TFDP2: variants seen among roughly 807,000 people sequenced by gnomAD.
TFDP2 encodes transcription factor Dp-2, also known as transcription factor Dp-2 (E2F dimerization partner 2).
In TFDP2, 17 loss-of-function variants were observed where a neutral mutation model predicts 59.3. That is an observed-to-expected ratio of 0.29 (90% CI 0.20 to 0.43). The LOEUF is 0.43. TFDP2 is among the 20% of genes least tolerant of loss of function. The pLI is 1.00. For synonymous variants in TFDP2, 180 were observed against 194.7 expected (o/e 0.92, Z 0.63); for missense variants, 391 against 528.8 (o/e 0.74, Z 2.56).
chr3:141,975,462 G>A (rs971954658), intron 7 of TFDP2, among the ~76,000 whole-genome samples: 19 of 152,070 alleles, frequency 1.2e-4, no homozygotes, highest in African/African-American at 4.3e-4. Context: ...AGAGGCCAAG[G>A]TGGGCGGATC....
chr3:142,103,225 G>A (rs1171108440), intron 1 of TFDP2, among the ~76,000 whole-genome samples: 3 of 151,404 alleles, frequency 2.0e-5, no homozygotes, highest in Admixed American at 6.6e-5. Context: ...GAAACAGAAA[G>A]AGACTCCTTC....
At chr3:142,008,533 C>T (rs185569989) in intron 3 of TFDP2, among the ~76,000 whole-genome samples, 365 of 152,208 alleles carry the variant, frequency 2.4e-3, no homozygotes, top group Non-Finnish European at 4.1e-3. Flanking sequence ...CCCAATTCAA[C>T]CACCTGGCTT....
intron 11 of TFDP2, among the ~76,000 whole-genome samples, chr3:141,955,838 C>T (rs1310676075): frequency 1.3e-5 from 2 of 152,164 alleles, no homozygotes; most frequent in African/African-American, 4.8e-5. Flanking sequence ...GACAGAGTCT[C>T]GCTCTGTTGC....
chr3:142,008,730 GTATA>G (rs141309554), intron 3 of TFDP2, among the ~76,000 whole-genome samples: 1 of 151,194 alleles, frequency 6.6e-6, no homozygotes, highest in Non-Finnish European at 1.5e-5. Context: ...CATATAAAGT[GTATA>G]TATATATACA....
chr3:142,141,679 C>T (rs1291250630), intron 1 of TFDP2, among the ~76,000 whole-genome samples: 5 of 151,870 alleles, frequency 3.3e-5, no homozygotes. Flanking sequence ...AAATATTAGC[C>T]AGGCATGGTG....
At chr3:142,088,553 G>A (rs541975367) in intron 3 of TFDP2, among the ~76,000 whole-genome samples, 3 of 150,454 alleles carry the variant, frequency 2.0e-5, no homozygotes, top group South Asian at 2.1e-4. Flanking sequence ...CTGGGGGCTC[G>A]AACTTCCCAA....
chr3:142,041,907 GA>G (rs1253454779), intron 3 of TFDP2, among the ~76,000 whole-genome samples: 1 of 152,010 alleles, frequency 6.6e-6, no homozygotes, highest in East Asian at 1.9e-4. Context: ...ATCATTTGTT[GA>G]AAAAACCCAT....
At chr3:142,074,130 A>G (rs2060356265) in intron 3 of TFDP2, among the ~76,000 whole-genome samples, 1 of 152,258 alleles carries the variant, frequency 6.6e-6, no homozygotes, top group African/African-American at 2.4e-5. Context: ...GAAATAGGCC[A>G]GGTGCAGTGG....
At chr3:142,128,023 C>A (rs1183099339) in intron 1 of TFDP2, among the ~76,000 whole-genome samples, 1 of 152,074 alleles carries the variant, frequency 6.6e-6, no homozygotes, top group African/African-American at 2.4e-5. Flanking sequence ...CACAGTGAAA[C>A]TTCATCTTAA....
At position 142,007,540 on chromosome 3, in the gene TFDP2, T is replaced by A. The variant is rs1390068366; in HGVS notation, c.83-1996A>T. ...TTCCACAGACAGGGGTGAAGGGAGG[T>A]ATGGTTTTGCAATGATTCCAGAATA... On this transcript the variant is annotated intron_variant, in intron 3 of 12. Transcript: ENST00000489671. Among the ~76,000 whole-genome samples the A allele has an allele frequency of 2.0e-5, 3 of 151,868 alleles. No homozygotes were observed. In the East Asian group the frequency reaches 5.8e-4, roughly 29 times the overall value.
At chr3:141,987,177 G>A (rs1352800690) in intron 6 of TFDP2, among the ~76,000 whole-genome samples, 1 of 152,130 alleles carries the variant, frequency 6.6e-6, no homozygotes, top group Non-Finnish European at 1.5e-5. Flanking sequence ...ACTGAATAGA[G>A]GTGGTGATTA....
rs748095099 is a variant in TFDP2, at chr3:141,995,137, A to G, written c.191T>C (p.Ile64Thr). 1 of 1,584,058 alleles carries G rather than the reference A, an allele frequency of 6.3e-7. No homozygotes were observed. The highest frequency in any genetic ancestry group is 8.6e-7 in the Non-Finnish European group (1 of 1,166,636). The change falls in exon 5 of 13, where the codon ATA becomes ACA. Residue 64 changes from isoleucine (I) to threonine (T), a missense_variant. Ile to Thr is a moderately conservative substitution (Grantham distance 89). Around this residue, in one of 3 missense-constraint regions of TFDP2, gnomAD observed 162 missense variants for 206.8 expected, o/e 0.78. Coordinates refer to ENST00000489671, the MANE Select transcript of TFDP2 (RefSeq NM_001178139.2). ...ACTGGTTAGTCTCTGTGGTGTGCTT[A>G]TAATCTGTAAAGTTAGGAACAAAGA... ...INVNVGPQMI[I>T]STPQRLTSSG... is the part of the protein sequence containing the mutation.
intron 3 of TFDP2, among the ~76,000 whole-genome samples, chr3:142,057,528 T>C (rs1294661862): frequency 1.3e-5 from 2 of 152,180 alleles, no homozygotes; most frequent in Admixed American, 1.3e-4. Flanking sequence ...TTTTGAAATC[T>C]AAGGATAATG....
chr3:142,146,498 T>C (rs1360251319), intron 1 of TFDP2, among the ~76,000 whole-genome samples: 1 of 152,188 alleles, frequency 6.6e-6, no homozygotes, highest in African/African-American at 2.4e-5. Context: ...TACTCAGGGT[T>C]ACCCAGCTGA....
chr3:142,020,142 T>C (rs1281515937), intron 3 of TFDP2, among the ~76,000 whole-genome samples: 1 of 152,220 alleles, frequency 6.6e-6, no homozygotes, highest in Non-Finnish European at 1.5e-5. Flanking sequence ...TTTCTAATTT[T>C]AGCCAGCCAT....
At chr3:142,088,178 G>C (rs1482134883) in intron 3 of TFDP2, among the ~76,000 whole-genome samples, 2 of 152,150 alleles carry the variant, frequency 1.3e-5, no homozygotes, top group Non-Finnish European at 2.9e-5. Flanking sequence ...AATATTTGCT[G>C]AATCAATGAA....
intron 10 of TFDP2, among the ~76,000 whole-genome samples, chr3:141,962,007 G>C (rs895500829): frequency 1.3e-5 from 2 of 152,124 alleles, no homozygotes; most frequent in Non-Finnish European, 2.9e-5. Flanking sequence ...GGAGTGCAAT[G>C]GTACAATCTT....
In TFDP2 at chr3:142,051,537, C is replaced by T. The variant is rs146715843; in HGVS notation, c.82+41524G>A. On this transcript the variant is annotated intron_variant, in intron 3 of 12. Coordinates refer to ENST00000489671, the MANE Select transcript of TFDP2 (RefSeq NM_001178139.2). ...GATTCCATCTCAAAAAAAAAAAAAC[C>T]GTCTCCAGATATTGCCAAATGTCCC... Among the ~76,000 whole-genome samples the T allele has an allele frequency of 1.2e-3, 183 of 150,972 alleles. 2 individuals carry two copies. Among genetic ancestry groups the T allele is most frequent in the African/African-American group, 4.2e-3 (175 of 41,250 alleles).
intron 4 of TFDP2, among the ~76,000 whole-genome samples, chr3:141,999,352 T>A (rs1943561142): frequency 6.6e-6 from 1 of 152,236 alleles, no homozygotes; most frequent in Admixed American, 6.5e-5. Flanking sequence ...AATGTGTTAT[T>A]TGATTATTTA....
Sources: gnomAD v4.1 joint callset for allele counts (sites outside exome capture counted in the v4.1 genomes callset) on GRCh38, gnomAD v4.1.1 for gene constraint, gnomAD v4.1.1 regional missense constraint, MANE v1.5 for transcripts, NCBI Gene and HGNC (gene_info 2026-07-23, HGNC 2026-07-21) for gene names.